USH2A: variants seen among roughly 807,000 people sequenced by gnomAD.
USH2A encodes the protein usherin.
A neutral mutation model predicts 538.9 loss-of-function variants in USH2A; 443 were observed. That is an observed-to-expected ratio of 0.82 (90% CI 0.76 to 0.89). The LOEUF is 0.89. Ranked by LOEUF, USH2A falls within the 40% of genes least tolerant of loss-of-function variation. USH2A has a pLI of 0.00. For missense variants in USH2A, 6,633 were observed against 6,324.8 expected, an observed-to-expected ratio of 1.05 and a Z score of -1.65; for synonymous variants, 2,413 against 2,273.5, an observed-to-expected ratio of 1.06 and a Z score of -1.75.
intron 14 of USH2A, 92 bp downstream of exon 14, chr1:216,231,861 A>G (rs1278766713): frequency 8.5e-6 from 13 of 1,528,892 alleles, no homozygotes; most frequent in African/African-American, 4.1e-5. Flanking sequence ...CAAAAAAAAT[A>G]CTTTTTACAG....
chr1:216,313,089 G>T (rs2037450145), intron 9 of USH2A, among the ~76,000 whole-genome samples: 1 of 152,140 alleles, frequency 6.6e-6, no homozygotes, highest in Non-Finnish European at 1.5e-5. Flanking sequence ...CAAGATGAAG[G>T]TATTCCACCT....
At chr1:216,249,877 TGAGAGA>T (rs141288052) in intron 12 of USH2A, among the ~76,000 whole-genome samples, 1 of 148,488 alleles carries the variant, frequency 6.7e-6, no homozygotes, top group Non-Finnish European at 1.5e-5. Flanking sequence ...TGTGTGTGTG[TGAGAGA>T]GAGAGAGAGA....
intron 21 of USH2A, among the ~76,000 whole-genome samples, chr1:216,147,645 C>A (rs949697296): frequency 2.0e-5 from 3 of 150,968 alleles, no homozygotes; most frequent in Admixed American, 6.6e-5. Context: ...GCAAACCCCA[C>A]AACAGGATTT....
chr1:215,799,496 C>T (rs1183774601), intron 49 of USH2A, among the ~76,000 whole-genome samples: 3 of 152,172 alleles, frequency 2.0e-5, no homozygotes, highest in South Asian at 2.1e-4. Flanking sequence ...ATTTATATTG[C>T]TTATGACTAT....
At chr1:215,985,617 T>C (rs1445355856) in intron 35 of USH2A, among the ~76,000 whole-genome samples, 1 of 152,190 alleles carries the variant, frequency 6.6e-6, no homozygotes, top group Non-Finnish European at 1.5e-5. Flanking sequence ...CTATTATTAT[T>C]ATTACTAATG....
chr1:215,843,093 A>C (rs2102820814), intron 46 of USH2A, among the ~76,000 whole-genome samples: 1 of 152,234 alleles, frequency 6.6e-6, no homozygotes, highest in African/African-American at 2.4e-5. Context: ...GGGAGACTAA[A>C]GTGTTGGTTG....
At position 215,623,463 on chromosome 1, in the gene USH2A, A is replaced by C. The variant is rs1043343744; in HGVS notation, c.*2318T>G. 1 of 151,360 alleles carries C rather than the reference A, an allele frequency of 6.6e-6. No individual in the cohort carries two copies. Among genetic ancestry groups the C allele is most frequent in the Non-Finnish European group, 1.5e-5 (1 of 67,598 alleles). 9.4% of individuals were successfully genotyped at this position (151,360 alleles called of 1,614,324 possible). ...TGCCTCAGCCACACACCCCAGATCA[A>C]CCGAATCAGAATCTCTAGAGGCGAG... On this transcript the variant is annotated 3_prime_UTR_variant, in exon 72 of 72. Coordinates refer to ENST00000307340, the MANE Select transcript of USH2A (RefSeq NM_206933.4).
chr1:215,746,606 A>G (rs1660477635), intron 58 of USH2A, among the ~76,000 whole-genome samples: 1 of 152,142 alleles, frequency 6.6e-6, no homozygotes, highest in Admixed American at 6.5e-5. Flanking sequence ...ACTTGTTTCT[A>G]TTAATCTTTC....
intron 35 of USH2A, among the ~76,000 whole-genome samples, chr1:215,982,817 A>G (rs1361964513): frequency 6.6e-6 from 1 of 152,190 alleles, no homozygotes; most frequent in Non-Finnish European, 1.5e-5. Context: ...TGAGGATGTA[A>G]AGTTTACTTT....
At chr1:216,013,167 C>T (rs1668618386) in intron 32 of USH2A, among the ~76,000 whole-genome samples, 1 of 152,076 alleles carries the variant, frequency 6.6e-6, no homozygotes, top group South Asian at 2.1e-4. Flanking sequence ...TTTTCTCCTT[C>T]TCTTATTCCA....
At chr1:215,836,484 TATATTATATATATA>T (rs1558119858) in intron 47 of USH2A, among the ~76,000 whole-genome samples, 37 of 2,932 alleles carry the variant, frequency 0.013, 2 homozygotes, top group Non-Finnish European at 0.027. Flanking sequence ...ATATATAATA[TATATTATATATATA>T]ATATATATTA....
intron 14 of USH2A, among the ~76,000 whole-genome samples, chr1:216,220,586 G>A (rs910139986): frequency 2.0e-5 from 3 of 150,896 alleles, no homozygotes; most frequent in Non-Finnish European, 4.4e-5. Flanking sequence ...AAGTCGGGGA[G>A]GGGCAAAAAT....
chr1:216,410,612 C>T (rs747262496), intron 3 of USH2A, among the ~76,000 whole-genome samples: 7 of 151,844 alleles, frequency 4.6e-5, no homozygotes, highest in Non-Finnish European at 7.4e-5. Context: ...CTCAATAATG[C>T]TAATAATTTC....
At chr1:215,638,210 C>A (rs191154555) in intron 69 of USH2A, among the ~76,000 whole-genome samples, 46 of 152,192 alleles carry the variant, frequency 3.0e-4, no homozygotes, top group Non-Finnish European at 5.3e-4. Flanking sequence ...CTGTAAATCA[C>A]CTTTATGCAC....
intron 21 of USH2A, among the ~76,000 whole-genome samples, chr1:216,167,887 T>G (rs2034201856): frequency 6.6e-6 from 1 of 152,100 alleles, no homozygotes. Flanking sequence ...GTAACATTAG[T>G]GCATAATCTT....
intron 46 of USH2A, 142 bp from the exon 47 acceptor site, chr1:215,838,245 T>C (rs1663585017): frequency 9.7e-6 from 7 of 724,588 alleles, no homozygotes; most frequent in Non-Finnish European, 1.7e-5. Context: ...ATATTCATTT[T>C]TGATGTTAAC....
Position 215,803,655 on chromosome 1 carries a change from C to G in USH2A, c.9740-4530G>C, listed in dbSNP as rs532493626. On this transcript the variant is annotated intron_variant, in intron 49 of 71. Transcript: ENST00000307340. ...AAGAGGATACAAACAAATGGAAGAA[C>G]ATTCCATGCTCATGGGTAGGAAGAA... 2.0e-4 allele frequency among the ~76,000 whole-genome samples: 31 copies of G among 152,266 alleles called. No homozygotes were observed. In the East Asian group the frequency reaches 6.0e-3, roughly 29 times the overall value.
At chr1:215,810,153 A>T (rs951085031) in intron 49 of USH2A, among the ~76,000 whole-genome samples, 1 of 152,182 alleles carries the variant, frequency 6.6e-6, no homozygotes. Flanking sequence ...AATTTGGGGC[A>T]TGCTCAATGG....
At chr1:215,740,748 G>T (rs1173611738) in intron 60 of USH2A, among the ~76,000 whole-genome samples, 1 of 152,206 alleles carries the variant, frequency 6.6e-6, no homozygotes, top group East Asian at 1.9e-4. Flanking sequence ...ACCAGGGACT[G>T]GTTTTGTGGA....
Sources: allele counts gnomAD v4.1 joint callset (sites outside exome capture counted in the v4.1 genomes callset), GRCh38; gene constraint gnomAD v4.1.1; transcripts MANE v1.5; gene names NCBI Gene and HGNC (gene_info 2026-07-23, HGNC 2026-07-21).